CACNB2: variants seen among roughly 807,000 people sequenced by gnomAD.
The protein encoded by CACNB2 is voltage-dependent L-type calcium channel subunit beta-2.
In CACNB2, 42 loss-of-function variants were observed where a neutral mutation model predicts 73.3. The observed-to-expected ratio is 0.57, with a 90% CI of 0.45 to 0.74. CACNB2 has a LOEUF of 0.74. Among genes scored for constraint, CACNB2 ranks in the 30% least tolerant of loss-of-function variants. The pLI is 0.00. For synonymous variants in CACNB2, 348 were observed against 310.3 expected, an observed-to-expected ratio of 1.12 and a Z score of -1.28; for missense variants, 940 against 853.0, an observed-to-expected ratio of 1.10 and a Z score of -1.27.
intron 2 of CACNB2, among the ~76,000 whole-genome samples, chr10:18,232,619 G>C (rs1314864546): frequency 6.6e-6 from 1 of 152,192 alleles, no homozygotes; most frequent in Non-Finnish European, 1.5e-5. Context: ...GAGTAAGTTT[G>C]AGTTATCAGG....
chr10:18,183,975 G>C (rs1488463492), intron 2 of CACNB2, among the ~76,000 whole-genome samples: 2 of 152,172 alleles, frequency 1.3e-5, no homozygotes, highest in Non-Finnish European at 2.9e-5. Context: ...AACAATTATA[G>C]TACCTATCTA....
intron 9 of CACNB2, 45 bp downstream of exon 9, chr10:18,519,013 A>G (rs763695487): frequency 4.5e-6 from 7 of 1,545,076 alleles, no homozygotes; most frequent in Middle Eastern, 1.7e-4. Flanking sequence ...TGTCTTAAAG[A>G]TGGCAAAACG....
At chr10:18,400,152 C>T (rs925992383) in intron 2 of CACNB2, among the ~76,000 whole-genome samples, 2 of 152,190 alleles carry the variant, frequency 1.3e-5, no homozygotes, top group Non-Finnish European at 1.5e-5. Flanking sequence ...TAAATGGCCA[C>T]GTCACTCTCT....
intron 3 of CACNB2, among the ~76,000 whole-genome samples, chr10:18,458,262 G>A (rs745687617): frequency 2.0e-5 from 3 of 152,168 alleles, no homozygotes; most frequent in Non-Finnish European, 2.9e-5. Context: ...AAAATAGTGA[G>A]ATTCAAGTTC....
chr10:18,257,765 A>G (rs964562164), intron 2 of CACNB2, among the ~76,000 whole-genome samples: 5 of 152,000 alleles, frequency 3.3e-5, no homozygotes, highest in African/African-American at 7.3e-5. Flanking sequence ...GTTTTTTGAG[A>G]TGGAGTTTCC....
chr10:18,439,169 C>G lies in CACNB2; in HGVS notation c.333+37126C>G, dbSNP rs377738206. Among the ~76,000 whole-genome samples, 4 of 152,140 alleles carry G rather than the reference C, an allele frequency of 2.6e-5. No homozygotes were observed. The East Asian group carries it at 7.7e-4, about 29-fold the overall frequency. ...AAAGTCGAAGTGGGAGGATTGGGGG[C>G]TTATATACCATTTTAAACAAAGAAA... On this transcript the variant is annotated intron_variant, in intron 3 of 13. Coordinates refer to ENST00000324631, the MANE Select transcript of CACNB2 (RefSeq NM_201596.3).
chr10:18,164,193 G>A (rs895635150), intron 2 of CACNB2, among the ~76,000 whole-genome samples: 2 of 152,230 alleles, frequency 1.3e-5, no homozygotes, highest in African/African-American at 4.8e-5. Context: ...GAAGGTCACA[G>A]GGTTTAGAGC....
At chr10:18,314,150 A>C (rs548578903) in intron 2 of CACNB2, among the ~76,000 whole-genome samples, 2 of 152,340 alleles carry the variant, frequency 1.3e-5, no homozygotes, top group Non-Finnish European at 2.9e-5. Flanking sequence ...AAACTCTATA[A>C]TTATCATACT....
At chr10:18,401,313 G>C (rs554528439) in intron 2 of CACNB2, among the ~76,000 whole-genome samples, 1 of 152,270 alleles carries the variant, frequency 6.6e-6, no homozygotes, top group Admixed American at 6.5e-5. Context: ...GGTGTTTTCT[G>C]TAGACGGCTT....
chr10:18,436,689 T>G (rs1433627742), intron 3 of CACNB2, among the ~76,000 whole-genome samples: 1 of 152,238 alleles, frequency 6.6e-6, no homozygotes, highest in East Asian at 1.9e-4. Context: ...AAAATGTTAC[T>G]GGGTTCCCAT....
chr10:18,365,235 G>A (rs985661156), intron 2 of CACNB2, among the ~76,000 whole-genome samples: 4 of 152,122 alleles, frequency 2.6e-5, no homozygotes, highest in Non-Finnish European at 5.9e-5. Flanking sequence ...CTGGGAGTTA[G>A]TTTGTTTTCA....
In CACNB2 at chr10:18,233,746, G is replaced by A. The variant is rs111466525; in HGVS notation, c.213+82771G>A. Among the ~76,000 whole-genome samples the A allele has an allele frequency of 3.8e-3, 580 of 152,258 alleles. 4 individuals are homozygous for A. The highest frequency in any genetic ancestry group is 8.5e-3 in the South Asian group (41 of 4,830). On this transcript the variant is annotated intron_variant, in intron 2 of 13. Transcript: ENST00000324631. ...CAGGCATCTTTCAAGCTCCCGCTGA[G>A]TGTGAATAAAGTACTAGGCTAGGTA...
intron 2 of CACNB2, among the ~76,000 whole-genome samples, chr10:18,187,924 G>T (rs1199110423): frequency 6.6e-6 from 1 of 152,164 alleles, no homozygotes; most frequent in Admixed American, 6.5e-5. Flanking sequence ...CTTAAATGAA[G>T]GGCTGACAAC....
At chr10:18,153,259 G>T (rs2031756289) in intron 2 of CACNB2, among the ~76,000 whole-genome samples, 1 of 152,138 alleles carries the variant, frequency 6.6e-6, no homozygotes, top group South Asian at 2.1e-4. Context: ...ATAGGACGAG[G>T]TGTTTGCTAT....
At chr10:18,228,636 C>T (rs930868250) in intron 2 of CACNB2, among the ~76,000 whole-genome samples, 1 of 152,092 alleles carries the variant, frequency 6.6e-6, no homozygotes, top group Admixed American at 6.5e-5. Context: ...GTCGGTAGGA[C>T]AGTTGGAAGA....
chr10:18,154,068 G>A (rs956794304), intron 2 of CACNB2, among the ~76,000 whole-genome samples: 1 of 151,768 alleles, frequency 6.6e-6, no homozygotes. Context: ...ATATCTTGCA[G>A]TTAGAGTCTA....
At chr10:18,424,970 A>T (rs944890812) in intron 3 of CACNB2, among the ~76,000 whole-genome samples, 1 of 152,342 alleles carries the variant, frequency 6.6e-6, no homozygotes, top group South Asian at 2.1e-4. Context: ...TATGTTAATT[A>T]GCAGTGGAAT....
chr10:18,413,824 C>T (rs908142983), intron 3 of CACNB2, among the ~76,000 whole-genome samples: 3 of 152,190 alleles, frequency 2.0e-5, no homozygotes, highest in Admixed American at 6.5e-5. Flanking sequence ...TAAGCTGTTA[C>T]GTATAAAGCA....
intron 3 of CACNB2, among the ~76,000 whole-genome samples, chr10:18,491,599 C>G (rs11014491): frequency 6.6e-6 from 1 of 152,032 alleles, no homozygotes; most frequent in Non-Finnish European, 1.5e-5. Context: ...GAAAAACAAT[C>G]TGGTAGGCTT....
Sources: gnomAD v4.1 joint callset for allele counts (sites outside exome capture counted in the v4.1 genomes callset) on GRCh38, gnomAD v4.1.1 for gene constraint, MANE v1.5 for transcripts, NCBI Gene and HGNC (gene_info 2026-07-23, HGNC 2026-07-21) for gene names.